CTTNBP2: variants seen among roughly 807,000 people sequenced by gnomAD.
CTTNBP2 encodes the protein cortactin binding protein 2.
In CTTNBP2, 108 loss-of-function variants were observed where a neutral mutation model predicts 156.9. The observed-to-expected ratio is 0.69, with a 90% confidence interval of 0.59 to 0.81. The LOEUF (loss-of-function observed/expected upper bound fraction) is 0.81, where lower values mean the gene tolerates loss of function less well. CTTNBP2 is among the 30% of genes least tolerant of loss of function. CTTNBP2 has a pLI of 0.00. For synonymous variants in CTTNBP2, 767 were observed against 751.8 expected, an observed-to-expected ratio of 1.02 and a Z score of -0.33; for missense variants, 1,924 against 2,035.4, an observed-to-expected ratio of 0.95 and a Z score of 1.05.
At chr7:117,804,779 A>C (rs1799834910) in intron 3 of CTTNBP2, among the ~76,000 whole-genome samples, 1 of 152,150 alleles carries the variant, frequency 6.6e-6, no homozygotes. Context: ...GGGGCATGGC[A>C]GGGGTAGAGC....
intron 12 of CTTNBP2, chr7:117,755,358 T>C (rs1011295358): frequency 3.3e-6 from 1 of 306,452 alleles, no homozygotes; most frequent in Non-Finnish European, 6.4e-6. Context: ...TCACAGTCTA[T>C]GGAAACAACT....
At chr7:117,725,867 T>C (rs544968966) in intron 17 of CTTNBP2, among the ~76,000 whole-genome samples, 3 of 152,260 alleles carry the variant, frequency 2.0e-5, no homozygotes, top group East Asian at 3.9e-4. Context: ...TTTGTACTTT[T>C]AGTAGAGATG....
chr7:117,870,367 C>T (rs548017907), intron 1 of CTTNBP2, among the ~76,000 whole-genome samples: 2 of 152,294 alleles, frequency 1.3e-5, no homozygotes, highest in African/African-American at 2.4e-5. Context: ...AAACGCTTAG[C>T]GCAATTGGCT....
At chr7:117,758,313 CCAAAGCTTGTTTCT>C (rs1217156426) in intron 10 of CTTNBP2, among the ~76,000 whole-genome samples, 2 of 151,984 alleles carry the variant, frequency 1.3e-5, no homozygotes, top group Non-Finnish European at 2.9e-5. Flanking sequence ...CAGGGTTCTT[CCAAAGCTTGTTTCT>C]CAAAGCCTGA....
intron 3 of CTTNBP2, among the ~76,000 whole-genome samples, chr7:117,804,192 A>T (rs1299199695): frequency 1.3e-5 from 2 of 152,112 alleles, no homozygotes; most frequent in Non-Finnish European, 2.9e-5. Flanking sequence ...CAAACTCCTG[A>T]TCTCAAGTGA....
rs182720344 is a variant in CTTNBP2, at chr7:117,859,096, G to A, written c.189+2113C>T. The stretch of plus-strand genomic sequence containing the variant: ...ATATTTTCCTGGTATCTTTGTATTG[G>A]TTTTGTAATTTTTAACAGAACCTAC... On this transcript the variant is annotated intron_variant, in intron 2 of 22. Transcript: ENST00000160373. Among the ~76,000 whole-genome samples the A allele has an allele frequency of 2.6e-5, 4 of 152,116 alleles. No homozygotes were observed. The East Asian group carries it at 7.7e-4, about 29-fold the overall frequency.
intron 8 of CTTNBP2, among the ~76,000 whole-genome samples, chr7:117,768,104 CA>C (rs1797592755): frequency 6.6e-6 from 1 of 151,992 alleles, no homozygotes; most frequent in South Asian, 2.1e-4. Flanking sequence ...CACACACACA[CA>C]CACACACACA....
chr7:117,734,483 GA>G (rs1795572731), intron 16 of CTTNBP2, among the ~76,000 whole-genome samples: 1 of 152,156 alleles, frequency 6.6e-6, no homozygotes, highest in Non-Finnish European at 1.5e-5. Flanking sequence ...TATTACTCTT[GA>G]AAATGTGTCA....
chr7:117,792,982 T>A lies in CTTNBP2; in HGVS notation c.415-201A>T, dbSNP rs1177222875. On this transcript the variant is annotated intron_variant, in intron 3 of 22. Transcript: ENST00000160373. This position sits in a 1 kb window ranked among gnomAD's most constrained non-coding sequence, Gnocchi z 4.2. ...GAGAAAATAGACGTAAATGGCTTTA[T>A]AAAGACATCTAAATTACAACAATAG... Among the ~76,000 whole-genome samples the A allele has an allele frequency of 6.6e-6, 1 of 152,204 alleles. No homozygotes were observed. Among genetic ancestry groups the A allele is most frequent in the African/African-American group, 2.4e-5 (1 of 41,462 alleles).
chr7:117,849,591 T>C (rs577593690), intron 2 of CTTNBP2, among the ~76,000 whole-genome samples: 3 of 152,148 alleles, frequency 2.0e-5, no homozygotes, highest in East Asian at 3.9e-4. Flanking sequence ...ACTCCATCAG[T>C]CCATACCCCT....
Position 117,792,413 on chromosome 7 carries a change from C to G in CTTNBP2, c.783G>C (p.Lys261Asn). The G allele has an allele frequency of 6.2e-7, 1 of 1,614,198 alleles. No homozygotes were observed. The highest frequency in any genetic ancestry group is 8.5e-7 in the Non-Finnish European group (1 of 1,180,038). Residue 261 changes from lysine (K) to asparagine (N), a missense_variant, in exon 4 of 23, where the codon AAG (lysine) becomes AAC (asparagine). Transcript: ENST00000160373. This position sits in a 1 kb window ranked among gnomAD's most constrained non-coding sequence, Gnocchi z 4.2. ...HTTDLKEEID[K>N]MRKMIEQLKR... ...TCAGTTGCTCAATCATTTTCCTCAT[C>G]TTGTCTATCTCCTCTTTGAGGTCAG...
chr7:117,779,569 ATGTG>A (rs1798287936), intron 7 of CTTNBP2, among the ~76,000 whole-genome samples: 2 of 152,202 alleles, frequency 1.3e-5, no homozygotes, highest in Admixed American at 1.3e-4. Context: ...TTTATACTGA[ATGTG>A]TGTAACACCA....
chr7:117,831,323 C>T (rs1801599328), intron 2 of CTTNBP2, among the ~76,000 whole-genome samples: 1 of 152,144 alleles, frequency 6.6e-6, no homozygotes, highest in African/African-American at 2.4e-5. Context: ...TCCCACTCTC[C>T]AAGCACTTTT....
chr7:117,735,149 G>T, intron 15 of CTTNBP2, 49 bp from the exon 16 acceptor site: 1 of 1,592,142 alleles, frequency 6.3e-7, no homozygotes, highest in Non-Finnish European at 8.6e-7. Flanking sequence ...GTTATGTTAT[G>T]GGACAGATTC....
At chr7:117,718,995 A>C (rs1273005790) in intron 21 of CTTNBP2, among the ~76,000 whole-genome samples, 1 of 152,064 alleles carries the variant, frequency 6.6e-6, no homozygotes, top group Non-Finnish European at 1.5e-5. Flanking sequence ...TCAGGAGTTC[A>C]AGACCAGCCT....
At chr7:117,750,360 T>C (rs1009264519) in intron 12 of CTTNBP2, among the ~76,000 whole-genome samples, 1 of 152,188 alleles carries the variant, frequency 6.6e-6, no homozygotes, top group African/African-American at 2.4e-5. Flanking sequence ...TAAAATTTCA[T>C]TGAAAAGGCC....
At chr7:117,743,901 G>A (rs565572621) in intron 14 of CTTNBP2, among the ~76,000 whole-genome samples, 2 of 151,702 alleles carry the variant, frequency 1.3e-5, no homozygotes, top group Non-Finnish European at 2.9e-5. Flanking sequence ...GCCCAAGACT[G>A]GCCTGTGTAG....
At chr7:117,743,341 AG>A (rs1796119897) in intron 14 of CTTNBP2, among the ~76,000 whole-genome samples, 1 of 152,162 alleles carries the variant, frequency 6.6e-6, no homozygotes, top group East Asian at 1.9e-4. Flanking sequence ...GTTAGATAAC[AG>A]GGGAAAAATG....
intron 10 of CTTNBP2, among the ~76,000 whole-genome samples, chr7:117,759,593 C>G (rs1387516111): frequency 6.6e-6 from 1 of 152,178 alleles, no homozygotes; most frequent in Non-Finnish European, 1.5e-5. Context: ...CCCACTTTTC[C>G]CTCAACCTTG....
Sources: allele counts gnomAD v4.1 joint callset (sites outside exome capture counted in the v4.1 genomes callset), GRCh38; gene constraint gnomAD v4.1.1; non-coding constraint Gnocchi (gnomAD v3.1); transcripts MANE v1.5; gene names NCBI Gene and HGNC (gene_info 2026-07-23, HGNC 2026-07-21).